Variants in LRRC4C observed in about 807,000 individuals in gnomAD.
LRRC4C encodes leucine rich repeat containing 4C, also known as leucine-rich repeat-containing protein 4C.
LRRC4C carries 5 observed loss-of-function variants against 33.6 expected under a neutral mutation model. That is an observed-to-expected ratio of 0.15 (90% CI 0.08 to 0.31). The LOEUF is 0.31. LRRC4C is among the 10% of genes least tolerant of loss of function. LRRC4C has a pLI of 1.00. For missense variants in LRRC4C, 560 were observed against 796.7 expected (o/e 0.70, Z 3.58); for synonymous variants, 329 against 302.0 (o/e 1.09, Z -0.93).
intron 3 of LRRC4C, among the ~76,000 whole-genome samples, chr11:40,520,503 A>G (rs1274039769): frequency 1.3e-5 from 2 of 152,182 alleles, no homozygotes; most frequent in African/African-American, 2.4e-5. Context: ...GAGGAAGAGG[A>G]AAAGATTGGG....
intron 2 of LRRC4C, among the ~76,000 whole-genome samples, chr11:40,771,760 A>G (rs918993431): frequency 6.6e-6 from 1 of 152,124 alleles, no homozygotes; most frequent in African/African-American, 2.4e-5. Context: ...CTTTGCTCCA[A>G]TTCCCAAAAA....
chr11:41,040,891 T>A (rs1475990578), intron 1 of LRRC4C, among the ~76,000 whole-genome samples: 3 of 152,178 alleles, frequency 2.0e-5, no homozygotes, highest in Admixed American at 1.3e-4. Flanking sequence ...TAAGACTTTT[T>A]TGTTTGTCTT....
intron 3 of LRRC4C, among the ~76,000 whole-genome samples, chr11:40,371,229 TA>T (rs1314811289): frequency 6.6e-6 from 1 of 151,916 alleles, no homozygotes; most frequent in African/African-American, 2.4e-5. Flanking sequence ...TTTGTGTCAT[TA>T]AAAAAAATAC....
intron 1 of LRRC4C, among the ~76,000 whole-genome samples, chr11:40,950,317 G>T (rs1311018523): frequency 6.6e-6 from 1 of 152,012 alleles, no homozygotes; most frequent in Non-Finnish European, 1.5e-5. Flanking sequence ...AAGGAAAAAT[G>T]ATAGACATTC....
At position 40,114,357 on chromosome 11, in the gene LRRC4C, C is replaced by A; in HGVS notation, c.*13G>T. 6.5e-7 allele frequency: 1 copy of A among 1,531,178 alleles called. No individual in the cohort carries two copies. The highest frequency in any genetic ancestry group is 1.3e-5 in the South Asian group (1 of 75,810). 94.8% of individuals were successfully genotyped at this position (1,531,178 alleles called of 1,614,324 possible). ...TTTTTTGATTGTTTGTTTTTTGTAA[C>A]TCTGTAAATGTTTTAGATTTGAGTC... is the stretch of plus-strand genomic sequence containing the variant. On this transcript the variant is annotated 3_prime_UTR_variant, in exon 7 of 7. Coordinates refer to ENST00000528697, the MANE Select transcript of LRRC4C (RefSeq NM_001258419.2).
intron 1 of LRRC4C, among the ~76,000 whole-genome samples, chr11:41,102,797 T>C (rs1235362749): frequency 6.6e-6 from 1 of 152,054 alleles, no homozygotes; most frequent in African/African-American, 2.4e-5. Context: ...TGTGAGATAA[T>C]AGTTCTGCCA....
At chr11:40,627,387 T>A (rs1963057240) in intron 3 of LRRC4C, among the ~76,000 whole-genome samples, 1 of 152,140 alleles carries the variant, frequency 6.6e-6, no homozygotes, top group African/African-American at 2.4e-5. Context: ...TATGGGAATC[T>A]ACAGTTGAAC....
At position 41,080,806 on chromosome 11, in the gene LRRC4C, A is replaced by G. The variant is rs551674692; in HGVS notation, c.-495-147083T>C. Among the ~76,000 whole-genome samples, 4 of 152,354 alleles carry G rather than the reference A, an allele frequency of 2.6e-5. No individual in the cohort carries two copies. In the South Asian group the frequency reaches 8.3e-4, roughly 32 times the overall value. On this transcript the variant is annotated intron_variant, in intron 1 of 6. Transcript: ENST00000528697. The stretch of plus-strand genomic sequence containing the variant: ...TTACTTTCCATTTAGAGGGAGAATT[A>G]CCTTGATTGTCATTCTTGCCTGTTA...
chr11:40,707,325 C>A (rs1946218846), intron 2 of LRRC4C, among the ~76,000 whole-genome samples: 2 of 152,184 alleles, frequency 1.3e-5, no homozygotes, highest in Admixed American at 6.5e-5. Flanking sequence ...TTTGCCCATT[C>A]AGTATGATAC....
rs531268307 is a variant in LRRC4C at position 41,129,104 on chromosome 11, G to T, written c.-495-195381C>A. ...TCTCTTTTAATATAAAAAGAAGTTA[G>T]GAAACGAAAGACATGTGAACACCAA... is the stretch of plus-strand genomic sequence containing the variant. On this transcript the variant is annotated intron_variant, in intron 1 of 6. Transcript: ENST00000528697. Among the ~76,000 whole-genome samples, 27 of 151,900 alleles carry T rather than the reference G, an allele frequency of 1.8e-4. 1 individual carries two copies. The South Asian group carries it at 5.6e-3, about 32-fold the overall frequency.
At chr11:40,518,341 A>C (rs1173366715) in intron 3 of LRRC4C, among the ~76,000 whole-genome samples, 1 of 152,220 alleles carries the variant, frequency 6.6e-6, no homozygotes, top group East Asian at 1.9e-4. Flanking sequence ...GAATGGGAGA[A>C]CATTTTTGCA....
At chr11:40,977,364 G>C (rs1852162908) in intron 1 of LRRC4C, among the ~76,000 whole-genome samples, 1 of 152,092 alleles carries the variant, frequency 6.6e-6, no homozygotes, top group African/African-American at 2.4e-5. Context: ...CAATTTTGTT[G>C]TCAAATATCT....
intron 2 of LRRC4C, among the ~76,000 whole-genome samples, chr11:40,780,724 T>C (rs1950179013): frequency 6.6e-6 from 1 of 151,894 alleles, no homozygotes; most frequent in Admixed American, 6.6e-5. Flanking sequence ...TCTTATAATG[T>C]ATAATAGAGT....
chr11:40,833,009 C>T (rs570441165), intron 2 of LRRC4C, among the ~76,000 whole-genome samples: 5 of 152,244 alleles, frequency 3.3e-5, no homozygotes, highest in African/African-American at 1.2e-4. Context: ...AAAATGCTAT[C>T]ATATTGAATT....
chr11:40,739,004 C>T (rs928264311), intron 2 of LRRC4C, among the ~76,000 whole-genome samples: 5 of 132,894 alleles, frequency 3.8e-5, no homozygotes, highest in African/African-American at 5.6e-5. Context: ...CACATAATTG[C>T]TATTGTGTGT....
intron 2 of LRRC4C, among the ~76,000 whole-genome samples, chr11:40,840,005 A>G (rs1282073908): frequency 6.6e-6 from 1 of 152,172 alleles, no homozygotes; most frequent in African/African-American, 2.4e-5. Context: ...GATAGTCTCT[A>G]TTTCAGAAAA....
chr11:41,002,102 T>C (rs1854424061), intron 1 of LRRC4C, among the ~76,000 whole-genome samples: 1 of 152,166 alleles, frequency 6.6e-6, no homozygotes, highest in Non-Finnish European at 1.5e-5. Context: ...TCGAAACCCC[T>C]TTTTTGTATA....
At chr11:41,147,998 A>G (rs1482204661) in intron 1 of LRRC4C, among the ~76,000 whole-genome samples, 5 of 152,090 alleles carry the variant, frequency 3.3e-5, no homozygotes, top group Non-Finnish European at 5.9e-5. Flanking sequence ...AGGCTGAGGC[A>G]GGAGGCTAAA....
chr11:40,275,463 C>T (rs994298650), intron 4 of LRRC4C, among the ~76,000 whole-genome samples: 1 of 152,140 alleles, frequency 6.6e-6, no homozygotes, highest in Admixed American at 6.5e-5. Context: ...AACATAAAAG[C>T]AGGCAGCCCT....
Sources: gnomAD v4.1 joint callset for allele counts (sites outside exome capture counted in the v4.1 genomes callset) on GRCh38, gnomAD v4.1.1 for gene constraint, MANE v1.5 for transcripts, NCBI Gene and HGNC (gene_info 2026-07-23, HGNC 2026-07-21) for gene names.